The following TUSC3 variants were observed in gnomAD, a reference collection of about 807,000 sequenced individuals.
TUSC3 encodes dolichyl-diphosphooligosaccharide--protein glycosyltransferase subunit TUSC3.
A neutral mutation model predicts 44.8 loss-of-function variants in TUSC3; 45 were observed. The ratio of observed to expected loss-of-function variants is 1.00; its 90% confidence interval spans 0.79 to 1.29. The LOEUF (loss-of-function observed/expected upper bound fraction) is 1.29, where lower values mean the gene tolerates loss of function less well. TUSC3 is among the 50% of genes most tolerant of loss of function. The probability of loss-of-function intolerance (pLI) is 0.00; values close to 1 mark genes in which losing one functional copy is unlikely to be tolerated. For missense variants in TUSC3, 519 were observed against 437.9 expected, an observed-to-expected ratio of 1.19 and a Z score of -1.65; for synonymous variants, 212 against 152.9, an observed-to-expected ratio of 1.39 and a Z score of -2.85.
intron 1 of TUSC3, among the ~76,000 whole-genome samples, chr8:15,432,723 T>C (rs1188192283): frequency 1.3e-5 from 2 of 152,114 alleles, no homozygotes; most frequent in African/African-American, 2.4e-5. Context: ...GTGAACTTAA[T>C]GTGCATCTCG....
At chr8:15,689,140 T>C in intron 6 of TUSC3, 1 of 394,942 alleles carries the variant, frequency 2.5e-6, no homozygotes, top group Non-Finnish European at 5.0e-6. Flanking sequence ...TCTAGCTCAT[T>C]TATCGCTTTT....
chr8:15,782,690 G>C, the TUSC3 span, among the ~76,000 whole-genome samples: 1 of 152,082 alleles, frequency 6.6e-6, no homozygotes, highest in South Asian at 2.1e-4. Flanking sequence ...TCAACATCCT[G>C]TCATGATAAA....
chr8:15,508,480 T>TTTTTGG (rs1801088656), intron 2 of TUSC3, among the ~76,000 whole-genome samples: 1 of 137,286 alleles, frequency 7.3e-6, no homozygotes, highest in Non-Finnish European at 1.5e-5. Context: ...TTTTTTTTTT[T>TTTTTGG]GAGAAGGAGT....
rs533826084 is a variant in TUSC3, at chr8:15,525,848, T to C, written n.189+42365T>C. On this transcript the variant is annotated intron_variant and non_coding_transcript_variant, in intron 2 of 5. Transcript: ENST00000503191. ...TGCTGGGGTAAAGAGCCTGATCGGT[T>C]AGGCCGTAATGGGGGAAAAAGTAGT... 5.1e-3 allele frequency among the ~76,000 whole-genome samples: 770 copies of C among 152,186 alleles called. 5 individuals are homozygous for C. The highest frequency in any genetic ancestry group is 0.018 in the African/African-American group (738 of 41,522).
chr8:15,673,583 G>T (rs1808052176), intron 5 of TUSC3, among the ~76,000 whole-genome samples, 164 bp from the exon 6 acceptor site: 1 of 152,066 alleles, frequency 6.6e-6, no homozygotes, highest in Admixed American at 6.6e-5. Context: ...GGGAGAATAA[G>T]TAACTTACTC....
At chr8:15,559,467 A>T (rs1802378697) in intron 1 of TUSC3, among the ~76,000 whole-genome samples, 1 of 147,144 alleles carries the variant, frequency 6.8e-6, no homozygotes, top group African/African-American at 2.5e-5. Flanking sequence ...TGCTGACAAA[A>T]ATGTATATTC....
At position 15,452,328 on chromosome 8, in the gene TUSC3, C is replaced by G. The variant is rs530977616; in HGVS notation, n.92-31058C>G. Among the ~76,000 whole-genome samples, 6 of 152,204 alleles carry G rather than the reference C, an allele frequency of 3.9e-5. No individual in the cohort carries two copies. In the East Asian group the frequency reaches 9.7e-4, roughly 25 times the overall value. On this transcript the variant is annotated intron_variant and non_coding_transcript_variant, in intron 1 of 5. Transcript: ENST00000503191. ...GTATAAATGCTGAATTTCTCAAGAT[C>G]AAACACAAAATTTGGATGAATTTGT...
At chr8:15,821,584 GT>G in the TUSC3 span, among the ~76,000 whole-genome samples, 57 of 140,874 alleles carry the variant, frequency 4.0e-4, no homozygotes, top group Middle Eastern at 3.7e-3. Context: ...AAAGATGAGG[GT>G]TTTTTTTTTT....
the TUSC3 span, among the ~76,000 whole-genome samples, chr8:15,794,192 C>T: frequency 6.6e-6 from 1 of 152,144 alleles, no homozygotes; most frequent in South Asian, 2.1e-4. Context: ...ATCATTTGGG[C>T]CTTTGAGAAA....
At position 15,540,932 on chromosome 8, in the gene TUSC3, T is replaced by C. The variant is rs146327864; in HGVS notation, c.138+364T>C. 9.9e-3 allele frequency among the ~76,000 whole-genome samples: 1,505 copies of C among 152,348 alleles called. 12 individuals carry two copies. The highest frequency in any genetic ancestry group is 0.034 in the Middle Eastern group (10 of 294). On this transcript the variant is annotated intron_variant, in intron 1 of 10. Coordinates refer to ENST00000503731, the MANE Select transcript of TUSC3 (RefSeq NM_006765.4). ...AGTATTTATAAGCCTGCAGGAAATA[T>C]GTTTTCCTTATTTTCTTACTCTGCT...
intron 1 of TUSC3, among the ~76,000 whole-genome samples, chr8:15,594,892 G>A (rs937336448): frequency 2.6e-5 from 4 of 152,076 alleles, no homozygotes; most frequent in African/African-American, 9.7e-5. Context: ...CACGGCTCAC[G>A]GAAACTTCAT....
intron 1 of TUSC3, among the ~76,000 whole-genome samples, chr8:15,582,771 T>A (rs1224814127): frequency 6.6e-6 from 1 of 152,218 alleles, no homozygotes; most frequent in Non-Finnish European, 1.5e-5. Flanking sequence ...CTGCCTCAAC[T>A]CGAAGATTAG....
intron 1 of TUSC3, among the ~76,000 whole-genome samples, chr8:15,476,492 G>C (rs1800576696): frequency 6.6e-6 from 1 of 151,936 alleles, no homozygotes; most frequent in Admixed American, 6.6e-5. Context: ...TTTAAGAGAG[G>C]GCTCACTTAT....
At chr8:15,618,780 G>C (rs1387550894) in intron 1 of TUSC3, among the ~76,000 whole-genome samples, 2 of 152,124 alleles carry the variant, frequency 1.3e-5, no homozygotes, top group African/African-American at 4.8e-5. Context: ...TCATATGTCT[G>C]GCAGCCAGTA....
intron 2 of TUSC3, among the ~76,000 whole-genome samples, chr8:15,625,796 G>C (rs1805480482): frequency 1.3e-5 from 2 of 152,184 alleles, no homozygotes; most frequent in African/African-American, 2.4e-5. Flanking sequence ...CTAATAATGA[G>C]TGTATGTTGG....
At chr8:15,742,604 C>T (rs1039314945) in intron 7 of TUSC3, among the ~76,000 whole-genome samples, 9 of 152,148 alleles carry the variant, frequency 5.9e-5, no homozygotes, top group Non-Finnish European at 1.3e-4. Flanking sequence ...ATAGAGACAT[C>T]CTGCACAGGA....
intron 2 of TUSC3, among the ~76,000 whole-genome samples, chr8:15,487,288 G>C (rs1330961803): frequency 6.6e-6 from 1 of 152,130 alleles, no homozygotes; most frequent in Non-Finnish European, 1.5e-5. Context: ...GGTTTTCAAA[G>C]CTTCTGAGTA....
rs749644506 is a variant in TUSC3 at position 15,748,551 on chromosome 8, G to A, written c.1028+86G>A. On this transcript the variant is annotated intron_variant, in intron 9 of 10. Transcript: ENST00000503731. ...GGTTAATATATAATTAAGGATGAAT[G>A]TAAAGTTGCTGTGTGGTTTTTTTAA... 4 of 1,241,316 alleles carry A rather than the reference G, an allele frequency of 3.2e-6. No homozygotes were observed. In the African/African-American group the frequency reaches 4.4e-5, roughly 14 times the overall value. 76.9% of individuals were successfully genotyped at this position (1,241,316 alleles called of 1,614,324 possible). A position where few individuals can be genotyped will look rare whatever the true frequency, so the allele number is the denominator to read the frequency against.
At chr8:15,451,330 C>T (rs537622488) in intron 1 of TUSC3, among the ~76,000 whole-genome samples, 2 of 152,198 alleles carry the variant, frequency 1.3e-5, no homozygotes, top group Middle Eastern at 3.4e-3. Flanking sequence ...TGGCTGGGGC[C>T]TCCTGGGTAG....
Sources: gnomAD v4.1 joint callset for allele counts (sites outside exome capture counted in the v4.1 genomes callset) on GRCh38, gnomAD v4.1.1 for gene constraint, MANE v1.5 for transcripts, NCBI Gene and HGNC (gene_info 2026-07-23, HGNC 2026-07-21) for gene names.